Variants in SNX13 observed in about 807,000 individuals in gnomAD.
The protein encoded by SNX13 is sorting nexin 13.
A neutral mutation model predicts 133.6 loss-of-function variants in SNX13; 45 were observed. The ratio of observed to expected loss-of-function variants is 0.34; its 90% CI spans 0.27 to 0.43. The LOEUF is 0.43. Among genes scored for constraint, SNX13 ranks in the 20% least tolerant of loss-of-function variants. The pLI, the probability that SNX13 is intolerant of heterozygous loss-of-function variation, is 1.00. For synonymous variants in SNX13, 414 were observed against 373.9 expected, an observed-to-expected ratio of 1.11 and a Z score of -1.24; for missense variants, 1,032 against 1,145.1, an observed-to-expected ratio of 0.90 and a Z score of 1.43.
intron 15 of SNX13, chr7:17,832,380 A>T (rs2128310150): frequency 1.0e-6 from 1 of 984,604 alleles, no homozygotes; most frequent in African/African-American, 1.7e-5. Flanking sequence ...CACAGAATAT[A>T]TTGCTACTAT....
At chr7:17,940,245 C>T (rs1199616923) in intron 1 of SNX13, 39 bp downstream of exon 1, 1 of 1,553,894 alleles carries the variant, frequency 6.4e-7, no homozygotes, top group Admixed American at 2.0e-5. Context: ...GGCCCCTTCC[C>T]CATTTCACAG....
At chr7:17,931,821 GA>G (rs1437962567) in intron 1 of SNX13, among the ~76,000 whole-genome samples, 1 of 152,194 alleles carries the variant, frequency 6.6e-6, no homozygotes, top group African/African-American at 2.4e-5. Flanking sequence ...TTGAACAGTG[GA>G]ACAGAGCAGA....
At chr7:17,823,553 TTATC>T (rs1787542993) in intron 17 of SNX13, among the ~76,000 whole-genome samples, 1 of 152,234 alleles carries the variant, frequency 6.6e-6, no homozygotes, top group African/African-American at 2.4e-5. Context: ...CTTTCCAAAA[TTATC>T]TTTCATTCCC....
At chr7:17,817,330 G>C (rs1436130937) in intron 18 of SNX13, among the ~76,000 whole-genome samples, 1 of 152,214 alleles carries the variant, frequency 6.6e-6, no homozygotes, top group Non-Finnish European at 1.5e-5. Flanking sequence ...CAACAGCCTA[G>C]TGCTGAAATT....
chr7:17,885,606 T>C (rs1018604672), intron 5 of SNX13, among the ~76,000 whole-genome samples: 6 of 152,156 alleles, frequency 3.9e-5, no homozygotes, highest in South Asian at 2.1e-4. Context: ...GGCCAGTGGA[T>C]TGCCTGAGCT....
chr7:17,924,581 C>A (rs1366813192), intron 1 of SNX13, among the ~76,000 whole-genome samples: 2 of 152,176 alleles, frequency 1.3e-5, no homozygotes, highest in Non-Finnish European at 2.9e-5. Context: ...TAAAGAATTA[C>A]TGTATAACCC....
At chr7:17,800,276 G>T (rs1179766098) in intron 22 of SNX13, among the ~76,000 whole-genome samples, 1 of 151,716 alleles carries the variant, frequency 6.6e-6, no homozygotes, top group Non-Finnish European at 1.5e-5. Context: ...TATTATTTTT[G>T]ATTAAGACAG....
intron 8 of SNX13, among the ~76,000 whole-genome samples, chr7:17,870,668 T>C (rs979209273): frequency 2.0e-5 from 3 of 152,224 alleles, no homozygotes; most frequent in Non-Finnish European, 4.4e-5. Flanking sequence ...GGTTTCCTTT[T>C]GCATTAAAAC....
At chr7:17,927,247 A>G (rs554988639) in intron 1 of SNX13, among the ~76,000 whole-genome samples, 21 of 149,586 alleles carry the variant, frequency 1.4e-4, no homozygotes, top group African/African-American at 2.9e-4. Flanking sequence ...ATATATATGT[A>G]TATATATATA....
At chr7:17,903,544 C>T (rs1246466709) in intron 1 of SNX13, among the ~76,000 whole-genome samples, 1 of 152,130 alleles carries the variant, frequency 6.6e-6, no homozygotes, top group Non-Finnish European at 1.5e-5. Flanking sequence ...CATTTCCTCA[C>T]CTATGTCATG....
chr7:17,931,046 T>G (rs1002808878), intron 1 of SNX13, among the ~76,000 whole-genome samples: 4 of 152,206 alleles, frequency 2.6e-5, no homozygotes, highest in African/African-American at 9.6e-5. Context: ...ACTGTCATTG[T>G]AGCCCATTTA....
chr7:17,860,877 T>C (rs1001755810), intron 9 of SNX13, among the ~76,000 whole-genome samples: 6 of 152,234 alleles, frequency 3.9e-5, no homozygotes, highest in African/African-American at 1.4e-4. Context: ...TAATAGGTTT[T>C]GAAATCAGGA....
At chr7:17,857,067 T>C (rs141022059) in intron 9 of SNX13, among the ~76,000 whole-genome samples, 247 of 152,076 alleles carry the variant, frequency 1.6e-3, no homozygotes, top group African/African-American at 5.6e-3. Context: ...CTACAACTGA[T>C]ACAACTGAAA....
Position 17,839,989 on chromosome 7 carries a change from G to T in SNX13, c.1177C>A (p.Gln393Lys). 1 of 1,607,858 alleles carries T rather than the reference G, an allele frequency of 6.2e-7. No individual in the cohort carries two copies. Among genetic ancestry groups the T allele is most frequent in the East Asian group, 2.2e-5 (1 of 44,570 alleles). The change falls in exon 13 of 26, where the codon CAA (glutamine) becomes AAA (lysine). Residue 393 changes from glutamine (Q) to lysine (K), a missense_variant. Coordinates refer to ENST00000428135, the MANE Select transcript of SNX13 (RefSeq NM_015132.5). Reference protein sequence around the residue: ...ALQFFMDYMQQTGGQAHLFFW... With the variant: ...ALQFFMDYMQKTGGQAHLFFW... ...AATAGATGTGCTTGACCTCCAGTTT[G>T]CTGCATGTAATCTAGCAATCAAAAA...
At chr7:17,815,074 A>G in intron 19 of SNX13, 130 bp from the exon 20 acceptor site, 3 of 1,004,046 alleles carry the variant, frequency 3.0e-6, no homozygotes, top group South Asian at 5.4e-5. Context: ...ATATTTTTAA[A>G]AACCCAATTA....
At chr7:17,892,224 A>G (rs1796702118) in intron 3 of SNX13, among the ~76,000 whole-genome samples, 1 of 152,074 alleles carries the variant, frequency 6.6e-6, no homozygotes, top group Non-Finnish European at 1.5e-5. Flanking sequence ...TTAAAAATAC[A>G]TGCTTCAAAG....
At chr7:17,868,324 C>G in intron 9 of SNX13, 83 bp downstream of exon 9, 1 of 930,104 alleles carries the variant, frequency 1.1e-6, no homozygotes, top group Non-Finnish European at 1.6e-6. Context: ...TAAATTACTG[C>G]TTAAACACCC....
rs1200998200 is a variant in SNX13, at chr7:17,906,002, T to C, written c.13-8556A>G. Among the ~76,000 whole-genome samples the C allele has an allele frequency of 4.0e-5, 6 of 151,640 alleles. No individual in the cohort carries two copies. In the East Asian group the frequency reaches 1.2e-3, roughly 29 times the overall value. On this transcript the variant is annotated intron_variant, in intron 1 of 25. Coordinates refer to ENST00000428135, the MANE Select transcript of SNX13 (RefSeq NM_015132.5). ...TGTCTAAATATATATAAATATTTCA[T>C]TTATAAATGATAATAAAGAAAGAAT...
chr7:17,884,789 T>C (rs1795793178), intron 5 of SNX13, among the ~76,000 whole-genome samples: 1 of 152,172 alleles, frequency 6.6e-6, no homozygotes, highest in Admixed American at 6.5e-5. Flanking sequence ...TCACTAGCTA[T>C]CAGGGAAATG....
Sources: gnomAD v4.1 joint callset for allele counts (sites outside exome capture counted in the v4.1 genomes callset) on GRCh38, gnomAD v4.1.1 for gene constraint, MANE v1.5 for transcripts, NCBI Gene and HGNC (gene_info 2026-07-23, HGNC 2026-07-21) for gene names.